Variants in STAU1 observed in about 807,000 individuals in gnomAD.
STAU1 encodes the protein double-stranded RNA-binding protein Staufen homolog 1.
STAU1 carries 13 observed loss-of-function variants against 62.9 expected under a neutral mutation model. The ratio of observed to expected loss-of-function variants is 0.21; its 90% CI spans 0.13 to 0.33. The LOEUF (loss-of-function observed/expected upper bound fraction) is 0.33, where lower values mean the gene tolerates loss of function less well. STAU1 is among the 10% of genes least tolerant of loss of function. STAU1 has a pLI of 1.00. For synonymous variants in STAU1, 269 were observed against 265.1 expected (o/e 1.01, Z -0.14); for missense variants, 571 against 712.1 (o/e 0.80, Z 2.25).
intron 5 of STAU1, among the ~76,000 whole-genome samples, chr20:49,136,259 C>T (rs367548284): frequency 1.3e-5 from 2 of 152,280 alleles, no homozygotes; most frequent in South Asian, 4.1e-4. Flanking sequence ...CATGATCATG[C>T]GCCACTGCAC....
At chr20:49,116,108 C>T (rs1197497236) in intron 12 of STAU1, among the ~76,000 whole-genome samples, 4 of 152,124 alleles carry the variant, frequency 2.6e-5, no homozygotes, top group Non-Finnish European at 5.9e-5. Context: ...GTATTTTTAA[C>T]CATGTGGTAA....
chr20:49,171,478 T>C (rs2093596282), intron 2 of STAU1, among the ~76,000 whole-genome samples: 2 of 152,172 alleles, frequency 1.3e-5, no homozygotes, highest in South Asian at 4.1e-4. Flanking sequence ...TTTTTGTATT[T>C]TTAGTAGAGA....
chr20:49,219,262 T>C, the STAU1 span: 50 of 1,332,218 alleles, frequency 3.8e-5, no homozygotes, highest in Admixed American at 5.3e-4. Flanking sequence ...CTTGATGGCG[T>C]CACACGAAAC....
chr20:49,158,343 T>C, intron 3 of STAU1: 1 of 880,400 alleles, frequency 1.1e-6, no homozygotes, highest in South Asian at 1.4e-5. Flanking sequence ...TGAATATCAC[T>C]TTATCTCACT....
chr20:49,161,847 C>T (rs1269502402), intron 3 of STAU1, among the ~76,000 whole-genome samples: 3 of 152,156 alleles, frequency 2.0e-5, no homozygotes, highest in Non-Finnish European at 2.9e-5. Context: ...CCAGAGAAGA[C>T]GCAACTAGGG....
intron 7 of STAU1, 120 bp downstream of exon 7, chr20:49,124,255 G>T: frequency 1.0e-6 from 1 of 999,938 alleles, no homozygotes; most frequent in Non-Finnish European, 1.5e-6. Flanking sequence ...GGTCTGGCAG[G>T]CCTGGGGTGT....
At chr20:49,144,301 A>T (rs909021421) in intron 5 of STAU1, among the ~76,000 whole-genome samples, 23 of 151,420 alleles carry the variant, frequency 1.5e-4, no homozygotes, top group Non-Finnish European at 2.7e-4. Flanking sequence ...TTTTTTTTTT[A>T]AATGCAAACA....
chr20:49,179,822 G>C (rs888674111), intron 1 of STAU1, among the ~76,000 whole-genome samples: 7 of 152,188 alleles, frequency 4.6e-5, no homozygotes, highest in African/African-American at 1.7e-4. Context: ...AATGTAAGCA[G>C]CATTATCTGC....
At chr20:49,146,257 C>T (rs543054354) in intron 5 of STAU1, among the ~76,000 whole-genome samples, 9 of 152,200 alleles carry the variant, frequency 5.9e-5, no homozygotes, top group African/African-American at 1.4e-4. Flanking sequence ...CAGAGTGAGA[C>T]ACCATCTCAA....
rs553923822 is a variant in STAU1 at position 49,117,668 on chromosome 20, C to T, written c.1509+109G>A. 1.7e-6 allele frequency: 2 copies of T among 1,188,002 alleles called. No homozygotes were observed. The highest frequency in any genetic ancestry group is 2.3e-6 in the Non-Finnish European group (2 of 863,406). 73.6% of individuals were successfully genotyped at this position (1,188,002 alleles called of 1,614,324 possible). ...CACTGCTCCCCAGCCCATCCCTGGA[C>T]AGAACTTGATTTAAGAAAAAAGTAC... On this transcript the variant is annotated intron_variant, in intron 11 of 13. Transcript: ENST00000371856. This position sits in a 1 kb window ranked among gnomAD's most constrained non-coding sequence, Gnocchi z 4.6.
the STAU1 span, among the ~76,000 whole-genome samples, chr20:49,195,194 G>A: frequency 6.6e-6 from 1 of 152,072 alleles, no homozygotes. Flanking sequence ...GACATGTAAG[G>A]AATTACTTTG....
At position 49,151,758 on chromosome 20, in the gene STAU1, AAGG is replaced by A. The variant is rs1432714187; in HGVS notation, c.345-14_345-12del. ...AATGGGTAAAAGTACCTAGAAATAA[AAGG>A]AGGTTAGGCAAATTACAGTCTCAAG... On this transcript the variant is annotated splice_polypyrimidine_tract_variant and intron_variant, in intron 4 of 13. Coordinates refer to ENST00000371856, the MANE Select transcript of STAU1 (RefSeq NM_017453.4). 1.9e-6 allele frequency: 3 copies of A among 1,604,204 alleles called. No homozygotes were observed. Among genetic ancestry groups the A allele is most frequent in the East Asian group, 2.3e-5 (1 of 44,414 alleles).
chr20:49,184,065 G>T (rs2093758279), intron 1 of STAU1, among the ~76,000 whole-genome samples: 1 of 151,974 alleles, frequency 6.6e-6, no homozygotes, highest in South Asian at 2.1e-4. Flanking sequence ...GAGTAGCTGG[G>T]ATTACAGGTG....
At chr20:49,129,816 C>G (rs1035305273) in intron 6 of STAU1, among the ~76,000 whole-genome samples, 2 of 151,024 alleles carry the variant, frequency 1.3e-5, no homozygotes, top group African/African-American at 4.9e-5. Flanking sequence ...TTAGTAGAGA[C>G]GAGGTTTCAC....
chr20:49,199,254 T>G, the STAU1 span, among the ~76,000 whole-genome samples: 4 of 151,662 alleles, frequency 2.6e-5, no homozygotes, highest in African/African-American at 9.7e-5. Flanking sequence ...TATTTTGAGA[T>G]GGAGTCTCGC....
rs145558067 is a variant in STAU1, at chr20:49,153,710, C to CAAAAA, written c.344+218_344+222dup. 3.4e-3 allele frequency among the ~76,000 whole-genome samples: 232 copies of CAAAAA among 67,562 alleles called. 4 individuals are homozygous for CAAAAA. Among genetic ancestry groups the CAAAAA allele is most frequent in the African/African-American group, 4.5e-3 (72 of 16,106 alleles). 44.3% of individuals were successfully genotyped at this position (67,562 alleles called of 152,430 possible). The stretch of plus-strand genomic sequence containing the variant: ...TGGGTGACAGAGCAAGACTCTGTCT[C>CAAAAA]AAAAAAAAAAAAAAAAAAAAAAAAA... On this transcript the variant is annotated intron_variant, in intron 4 of 13. Coordinates refer to ENST00000371856, the MANE Select transcript of STAU1 (RefSeq NM_017453.4).
chr20:49,175,141 C>T (rs1394204531), intron 1 of STAU1, among the ~76,000 whole-genome samples: 1 of 151,014 alleles, frequency 6.6e-6, no homozygotes, highest in East Asian at 2.0e-4. Context: ...GGCAAAAGAG[C>T]GAGACTCCGT....
the STAU1 span, among the ~76,000 whole-genome samples, chr20:49,215,072 G>A: frequency 7.9e-5 from 12 of 152,304 alleles, no homozygotes; most frequent in Non-Finnish European, 1.3e-4. Flanking sequence ...CCTTAGAAGC[G>A]CAGGCTCCTT....
At chr20:49,187,076 G>C (rs537453238) in intron 1 of STAU1, among the ~76,000 whole-genome samples, 2 of 152,062 alleles carry the variant, frequency 1.3e-5, no homozygotes, top group Non-Finnish European at 2.9e-5. Flanking sequence ...AGACAAGACA[G>C]ACAAATTTTT....
Sources: allele counts gnomAD v4.1 joint callset (sites outside exome capture counted in the v4.1 genomes callset), GRCh38; gene constraint gnomAD v4.1.1; non-coding constraint Gnocchi (gnomAD v3.1); transcripts MANE v1.5; gene names NCBI Gene and HGNC (gene_info 2026-07-23, HGNC 2026-07-21).